The following ENPP2 variants were observed in gnomAD, a reference collection of about 807,000 sequenced individuals.
ENPP2 encodes autotaxin.
Under a neutral mutation model 120.2 loss-of-function variants are expected in ENPP2, and 51 were observed. The observed-to-expected ratio is 0.42, with a 90% CI of 0.34 to 0.54. ENPP2 has a LOEUF of 0.54. ENPP2 is among the 20% of genes least tolerant of loss of function. The pLI is 0.04. For missense variants in ENPP2, 920 were observed against 1,066.5 expected, an observed-to-expected ratio of 0.86 and a Z score of 1.91; for synonymous variants, 365 against 366.4, an observed-to-expected ratio of 1.00 and a Z score of 0.04.
chr8:119,611,132 C>T (rs1402762001), intron 8 of ENPP2, among the ~76,000 whole-genome samples: 3 of 152,110 alleles, frequency 2.0e-5, no homozygotes, highest in Non-Finnish European at 4.4e-5. Context: ...TCCACAGGAA[C>T]CAAGTAGGTT....
At chr8:119,663,061 G>A (rs796740186) in intron 1 of ENPP2, among the ~76,000 whole-genome samples, 30 of 149,642 alleles carry the variant, frequency 2.0e-4, no homozygotes, top group African/African-American at 5.7e-4. Context: ...AGGTTCCAGC[G>A]AGCCAAAATC....
rs372101304 is a variant in ENPP2 at position 119,607,944 on chromosome 8, C to A, written c.811G>T (p.Ala271Ser). The A allele has an allele frequency of 6.2e-7, 1 of 1,610,288 alleles. No individual in the cohort carries two copies. The highest frequency in any genetic ancestry group is 1.3e-5 in the African/African-American group (1 of 74,830). ...TACACAGACCAAAAGAATGTTCCAG[C>A]TTTCACCCCTTGCTTGGTGGCTGTA... ...WITATKQGVKAGTFFWSVVIP... is the reference protein window; with the variant it reads ...WITATKQGVKSGTFFWSVVIP... Residue 271 changes from alanine to serine, a missense_variant, in exon 9 of 25, where the codon GCT becomes TCT. Ala to Ser is a moderately conservative substitution (Grantham distance 99). Transcript: ENST00000075322.
chr8:119,604,085 T>G (rs1311862734), intron 9 of ENPP2, among the ~76,000 whole-genome samples: 1 of 150,342 alleles, frequency 6.7e-6, no homozygotes, highest in Non-Finnish European at 1.5e-5. Flanking sequence ...TGGAGTGCAG[T>G]GACACAATCT....
At chr8:119,653,476 G>A (rs1817681016) in intron 1 of ENPP2, among the ~76,000 whole-genome samples, 1 of 152,182 alleles carries the variant, frequency 6.6e-6, no homozygotes, top group African/African-American at 2.4e-5. Flanking sequence ...CATATGAACA[G>A]AGACCCGGAT....
chr8:119,659,312 G>A lies in ENPP2; in HGVS notation c.21+13940C>T, dbSNP rs1052032464. 2.7e-4 allele frequency among the ~76,000 whole-genome samples: 13 copies of A among 48,718 alleles called. No homozygotes were observed. The East Asian group carries it at 9.6e-3, about 36-fold the overall frequency. The allele number at this position is 48,718 out of a possible 152,430, so 32.0% of individuals were successfully genotyped here. ...AGCCTGGACTACAGGACAAGACTCT[G>A]TCTCAATTAAAAAAAAAAAAAAAAA... On this transcript the variant is annotated intron_variant, in intron 1 of 25. Transcript: ENST00000427067.
chr8:119,641,292 A>C (rs1380321111), upstream of ENPP2, among the ~76,000 whole-genome samples: 1 of 151,704 alleles, frequency 6.6e-6, no homozygotes, highest in African/African-American at 2.4e-5. Context: ...CTACAAAATA[A>C]AATTATCCCT....
rs370548017 is a variant in ENPP2 at position 119,626,624 on chromosome 8, T to C, written c.233A>G (p.Asn78Ser). 1.1e-5 allele frequency: 17 copies of C among 1,613,948 alleles called. No homozygotes were observed. Among genetic ancestry groups the C allele is most frequent in the African/African-American group, 4.0e-5 (3 of 74,932 alleles). Residue 78 changes from asparagine (N) to serine (S), a missense_variant, in exon 3 of 25, where the codon AAC becomes AGC. Physicochemically the swap from Asn to Ser is conservative, Grantham distance 46. Coordinates refer to ENST00000075322, the MANE Select transcript of ENPP2 (RefSeq NM_001040092.3). Reference sequence around the variant, plus strand: ...GCAACTGGTATAGCTCTTACACAAGTTGTCACAGCGACAATCAGGAGGTCC... The same window carrying C: ...GCAACTGGTATAGCTCTTACACAAGCTGTCACAGCGACAATCAGGAGGTCC... ...EAGPPDCRCDNLCKSYTSCCH... is the reference protein window; with the variant it reads ...EAGPPDCRCDSLCKSYTSCCH...
chr8:119,601,875 G>C (rs1156910511), intron 9 of ENPP2, among the ~76,000 whole-genome samples: 1 of 152,072 alleles, frequency 6.6e-6, no homozygotes, highest in Non-Finnish European at 1.5e-5. Flanking sequence ...TTGACCACTC[G>C]GTCTCAGTTT....
At chr8:119,635,048 A>T (rs572022899) in intron 2 of ENPP2, among the ~76,000 whole-genome samples, 4 of 152,250 alleles carry the variant, frequency 2.6e-5, no homozygotes, top group Non-Finnish European at 4.4e-5. Context: ...CACAGAGCAA[A>T]TGGCTGATCT....
intron 19 of ENPP2, among the ~76,000 whole-genome samples, chr8:119,577,020 G>T (rs1812388860): frequency 6.6e-6 from 1 of 152,124 alleles, no homozygotes; most frequent in South Asian, 2.1e-4. Flanking sequence ...ATATCCCTGT[G>T]ATCGTTTCAC....
At chr8:119,583,691 T>C in intron 17 of ENPP2, 26 bp downstream of exon 17, 1 of 1,230,902 alleles carries the variant, frequency 8.1e-7, no homozygotes. Context: ...ATTGTTTCAA[T>C]GGTTCTGATT....
chr8:119,564,683 A>AATAT (rs759942943), intron 23 of ENPP2, 140 bp downstream of exon 23: 7 of 328,180 alleles, frequency 2.1e-5, no homozygotes, highest in African/African-American at 4.3e-5. Context: ...GTCTCAAAAA[A>AATAT]ATATATATAT....
At chr8:119,628,809 T>C (rs1816455850) in intron 2 of ENPP2, among the ~76,000 whole-genome samples, 1 of 152,044 alleles carries the variant, frequency 6.6e-6, no homozygotes, top group South Asian at 2.1e-4. Context: ...AGGGAGAAAA[T>C]GTCCAAGTTT....
chr8:119,638,599 C>A, intron 1 of ENPP2, 72 bp from the exon 2 acceptor site: 1 of 1,050,056 alleles, frequency 9.5e-7, no homozygotes, highest in Non-Finnish European at 1.5e-6. Flanking sequence ...AAAGGTGATT[C>A]AAATGGCTTC....
At position 119,586,203 on chromosome 8, in the gene ENPP2, G is replaced by A. The variant is rs1813098591; in HGVS notation, c.1350C>T (p.Arg450=). ...CCAGTTACCTTGCAACATGCCATCT[G>A]CGTTCCACCAATAAATGGATATCCT... The part of the protein sequence containing the change: ...RIEDIHLLVE[R]RWHVARKPLD... Residue 450 remains arginine, a synonymous_variant, in exon 15 of 25, where the codon CGC becomes CGT. Coordinates refer to ENST00000075322, the MANE Select transcript of ENPP2 (RefSeq NM_001040092.3). 6.2e-7 allele frequency: 1 copy of A among 1,614,044 alleles called. No individual in the cohort carries two copies. Among genetic ancestry groups the A allele is most frequent in the East Asian group, 2.2e-5 (1 of 44,858 alleles).
intron 22 of ENPP2, 72 bp downstream of exon 22, chr8:119,568,102 GA>G: frequency 1.2e-6 from 1 of 812,818 alleles, no homozygotes. Flanking sequence ...AACAGAGGTA[GA>G]AAAGGTAAGG....
intron 11 of ENPP2, among the ~76,000 whole-genome samples, chr8:119,596,354 G>A (rs1438799312): frequency 6.6e-6 from 1 of 152,190 alleles, no homozygotes; most frequent in Non-Finnish European, 1.5e-5. Flanking sequence ...CTGGTCTTTG[G>A]TTATGAAAAG....
At chr8:119,644,627 C>T (rs35812973) in intron 1 of ENPP2, among the ~76,000 whole-genome samples, 15,107 of 52,762 alleles carry the variant, frequency 0.29, 1,921 homozygotes, top group East Asian at 0.53. Context: ...TATATATATA[C>T]ACACACACAC....
intron 12 of ENPP2, 152 bp downstream of exon 12, chr8:119,593,600 C>T (rs1243274804): frequency 1.7e-6 from 1 of 581,586 alleles, no homozygotes; most frequent in African/African-American, 1.9e-5. Flanking sequence ...TCATACTTTT[C>T]AATCATGGCC....
Sources: allele counts gnomAD v4.1 joint callset (sites outside exome capture counted in the v4.1 genomes callset), GRCh38; gene constraint gnomAD v4.1.1; transcripts MANE v1.5; gene names NCBI Gene and HGNC (gene_info 2026-07-23, HGNC 2026-07-21).